QRICH1: variants seen among roughly 807,000 people sequenced by gnomAD.
QRICH1 encodes the protein glutamine rich 1, also known as transcriptional regulator QRICH1.
In QRICH1, 16 loss-of-function variants were observed where a neutral mutation model predicts 87.1. The ratio of observed to expected loss-of-function variants is 0.18; its 90% CI spans 0.12 to 0.28. The LOEUF is 0.28. QRICH1 is among the 10% of genes least tolerant of loss of function. The pLI is 1.00. For missense variants in QRICH1, 647 were observed against 951.7 expected (o/e 0.68, Z 4.21); for synonymous variants, 367 against 368.4 (o/e 1.00, Z 0.05).
chr3:49,050,248 C>CAAAAA (rs527597101), intron 3 of QRICH1, among the ~76,000 whole-genome samples: 40 of 52,414 alleles, frequency 7.6e-4, no homozygotes, highest in African/African-American at 2.6e-3. Flanking sequence ...GACTCCGTCT[C>CAAAAA]AAAAAAAAAA....
Position 49,057,862 on chromosome 3 carries a change from T to C in QRICH1, c.338A>G (p.Gln113Arg). The C allele has an allele frequency of 6.2e-7, 1 of 1,613,962 alleles. No individual in the cohort carries two copies. Among genetic ancestry groups the C allele is most frequent in the South Asian group, 1.1e-5 (1 of 91,074 alleles). Residue 113 changes from glutamine (Q) to arginine (R), a missense_variant, in exon 3 of 10, where the codon CAA (glutamine) becomes CGA (arginine). By Grantham distance (43) the Gln-to-Arg change is conservative (BLOSUM62 1). Around this residue, in one of 7 missense-constraint regions of QRICH1, gnomAD observed 156 missense variants for 164.5 expected, o/e 0.95. Coordinates refer to ENST00000395443, the MANE Select transcript of QRICH1 (RefSeq NM_198880.3). This position sits in a 1 kb window ranked among gnomAD's most constrained non-coding sequence, Gnocchi z 5.4. ...TGGGGAGAGCTGAGCCGAGACCTGT[T>C]GCGGAGACTGCTGTACCTGCACCTG... is the stretch of plus-strand genomic sequence containing the variant. ...QVQVQVQQSP[Q>R]QVSAQLSPQL...
At chr3:49,089,988 A>G (rs2042243332) in intron 1 of QRICH1, among the ~76,000 whole-genome samples, 1 of 152,220 alleles carries the variant, frequency 6.6e-6, no homozygotes. Context: ...CTAAATTTAC[A>G]TGGATGGATA....
chr3:49,039,020 C>G (rs2093293550), intron 6 of QRICH1, among the ~76,000 whole-genome samples: 2 of 151,740 alleles, frequency 1.3e-5, no homozygotes, highest in Non-Finnish European at 1.5e-5. Flanking sequence ...AAGTGAGACT[C>G]CATCTCAAAA....
chr3:49,041,814 G>A (rs559673899), intron 6 of QRICH1, among the ~76,000 whole-genome samples: 5 of 151,932 alleles, frequency 3.3e-5, no homozygotes, highest in Admixed American at 6.6e-5. Context: ...GTATTTAGTA[G>A]AGACGGGGTT....
At chr3:49,047,925 C>CGAAAAAA (rs1019333353) in intron 3 of QRICH1, among the ~76,000 whole-genome samples, 1 of 150,962 alleles carries the variant, frequency 6.6e-6, no homozygotes, top group East Asian at 1.9e-4. Flanking sequence ...GACTCTGTCT[C>CGAAAAAA]GAAAAAAGAA....
At chr3:49,061,875 G>GC (rs1321304196) in intron 2 of QRICH1, among the ~76,000 whole-genome samples, 1 of 152,032 alleles carries the variant, frequency 6.6e-6, no homozygotes, top group Non-Finnish European at 1.5e-5. Flanking sequence ...TATGCAAATG[G>GC]CCAAGAACCA....
At chr3:49,045,707 C>T (rs1479554429) in intron 5 of QRICH1, among the ~76,000 whole-genome samples, 1 of 152,098 alleles carries the variant, frequency 6.6e-6, no homozygotes, top group Non-Finnish European at 1.5e-5. Context: ...TCAAGCAATC[C>T]TCCCACCTCA....
At chr3:49,081,780 C>T (rs923289139) in intron 1 of QRICH1, among the ~76,000 whole-genome samples, 7 of 151,618 alleles carry the variant, frequency 4.6e-5, no homozygotes, top group African/African-American at 1.7e-4. Flanking sequence ...GGATTACAGG[C>T]GTGAGCCACC....
At chr3:49,040,104 TG>T (rs1408516152) in intron 6 of QRICH1, among the ~76,000 whole-genome samples, 4 of 152,206 alleles carry the variant, frequency 2.6e-5, no homozygotes, top group African/African-American at 9.6e-5. Flanking sequence ...CCATGGAAAA[TG>T]GGTACATGGG....
At chr3:49,092,934 C>T (rs892049333) in intron 1 of QRICH1, among the ~76,000 whole-genome samples, 12 of 152,204 alleles carry the variant, frequency 7.9e-5, no homozygotes, top group African/African-American at 2.7e-4. Flanking sequence ...ATAAAGTAAG[C>T]CCCTCCCACT....
chr3:49,077,010 T>C lies in QRICH1; in HGVS notation c.8A>G (p.Asn3Ser). The change falls in exon 2 of 10, where the codon AAT becomes AGT. Residue 3 changes from asparagine to serine, a missense_variant. Physicochemically the swap from Asn to Ser is conservative, Grantham distance 46. Coordinates refer to ENST00000395443, the MANE Select transcript of QRICH1 (RefSeq NM_198880.3). Reference protein sequence around the residue: MNNSLENTISFEE... With the variant: MNSSLENTISFEE... ...AAAGGAGATGGTGTTCTCTAGGGAA[T>C]TATTCATATTGCAGAGTCCTTAGGG... 1 of 1,476,598 alleles carries C rather than the reference T, an allele frequency of 6.8e-7. No homozygotes were observed. The highest frequency in any genetic ancestry group is 9.1e-7 in the Non-Finnish European group (1 of 1,101,708). The allele number at this position is 1,476,598 out of a possible 1,614,324, so 91.5% of individuals were successfully genotyped here.
intron 2 of QRICH1, 195 bp from the exon 3 acceptor site, chr3:49,058,085 G>A (rs1411356555): frequency 2.2e-6 from 2 of 907,738 alleles, no homozygotes; most frequent in Non-Finnish European, 3.3e-6. Context: ...ACAATAACAG[G>A]GACATATATC....
rs141409801 is a variant in QRICH1, at chr3:49,041,261, G to A, written c.1786+3129C>T. On this transcript the variant is annotated intron_variant, in intron 6 of 9. Coordinates refer to ENST00000395443, the MANE Select transcript of QRICH1 (RefSeq NM_198880.3). ...GCTAGGATTACAGACGTGAGCCACC[G>A]CACCCAGCCCATCTTTTCATATACT... Among the ~76,000 whole-genome samples, 181 of 152,070 alleles carry A rather than the reference G, an allele frequency of 1.2e-3. 2 individuals carry two copies. The East Asian group carries it at 0.026, about 21-fold the overall frequency.
intron 6 of QRICH1, among the ~76,000 whole-genome samples, chr3:49,039,615 T>A (rs192647938): frequency 2.1e-3 from 160 of 76,134 alleles, no homozygotes; most frequent in African/African-American, 7.7e-3. Flanking sequence ...AGAGACTCCA[T>A]CTCAAAAAAA....
chr3:49,044,009 ATGCTTT>A (rs2093325964), intron 6 of QRICH1, among the ~76,000 whole-genome samples: 2 of 152,204 alleles, frequency 1.3e-5, no homozygotes, highest in South Asian at 2.1e-4. Context: ...TGAATAACCT[ATGCTTT>A]TGTTCCAATA....
At chr3:49,089,049 TTTTC>T (rs2042223527) in intron 1 of QRICH1, among the ~76,000 whole-genome samples, 1 of 151,852 alleles carries the variant, frequency 6.6e-6, no homozygotes, top group African/African-American at 2.4e-5. Flanking sequence ...CACGGTTCTA[TTTTC>T]TTTTTTTCTT....
rs1293363284 is a variant in QRICH1 at position 49,046,564 on chromosome 3, C to T, written c.1532G>A (p.Arg511Gln). The change falls in exon 5 of 10, where the codon CGA (arginine) becomes CAA (glutamine). Residue 511 changes from arginine to glutamine, a missense_variant. Physicochemically the swap from Arg to Gln is conservative, Grantham distance 43 (BLOSUM62 1). Coordinates refer to ENST00000395443, the MANE Select transcript of QRICH1 (RefSeq NM_198880.3). The stretch of plus-strand genomic sequence containing the variant: ...AGAGGAGATGAGATCTTCCTGGAAT[C>T]GCAGCAGTTGGCGCCCTGCAACGGA... The part of the protein sequence containing the change: ...LAPIGRRQLL[R>Q]FQEDLISSAV... The T allele has an allele frequency of 1.9e-6, 3 of 1,613,100 alleles. No homozygotes were observed. The highest frequency in any genetic ancestry group is 1.7e-5 in the Admixed American group (1 of 59,624).
chr3:49,083,888 G>GCC (rs1220350465), intron 1 of QRICH1, among the ~76,000 whole-genome samples: 1 of 149,374 alleles, frequency 6.7e-6, no homozygotes, highest in Non-Finnish European at 1.5e-5. Flanking sequence ...CAACCTCCGT[G>GCC]CCCCCCAGGT....
rs371544757 is a variant in QRICH1, at chr3:49,057,952, G to A, written c.310-62C>T. 189 of 1,612,184 alleles carry A rather than the reference G, an allele frequency of 1.2e-4. No individual in the cohort carries two copies. In the East Asian group the frequency reaches 3.6e-3, roughly 31 times the overall value. ...CAGCACTGAAAATCCAGTACCCAAG[G>A]AAAGAAAGAAAAGAGATCCCAGACA... On this transcript the variant is annotated intron_variant, in intron 2 of 9. Coordinates refer to ENST00000395443, the MANE Select transcript of QRICH1 (RefSeq NM_198880.3). The surrounding 1 kb of genome is among the most constrained non-coding windows in gnomAD (Gnocchi z 5.4).
Sources: gnomAD v4.1 joint callset for allele counts (sites outside exome capture counted in the v4.1 genomes callset) on GRCh38, gnomAD v4.1.1 for gene constraint, gnomAD v4.1.1 regional missense constraint, Gnocchi (gnomAD v3.1) non-coding constraint, MANE v1.5 for transcripts, NCBI Gene and HGNC (gene_info 2026-07-23, HGNC 2026-07-21) for gene names.